Variants in PYGM observed in about 807,000 individuals in gnomAD.
PYGM encodes the protein glycogen phosphorylase, muscle form.
A neutral mutation model predicts 99.3 loss-of-function variants in PYGM; 81 were observed. The observed-to-expected ratio is 0.82, with a 90% CI of 0.68 to 0.98. The LOEUF is 0.98. PYGM is among the 50% of genes least tolerant of loss of function. The pLI is 0.00. For synonymous variants in PYGM, 436 were observed against 451.5 expected (o/e 0.97, Z 0.44); for missense variants, 1,030 against 1,158.1 (o/e 0.89, Z 1.61).
rs200430286 is a variant in PYGM, at chr11:64,758,472, G to A, written c.389C>T (p.Ala130Val). The A allele has an allele frequency of 3.7e-5, 60 of 1,613,888 alleles. No individual in the cohort carries two copies. In the East Asian group the frequency reaches 5.3e-4, roughly 14 times the overall value. ...GCCCAGGCCCCCGTTGCCCAGCCCC[G>A]CATCCTCCTCAATTTCCTCCAGCTC... ...MEELEEIEEDAGLGNGGLGRL... is the reference protein window; with the variant it reads ...MEELEEIEEDVGLGNGGLGRL... Residue 130 changes from alanine to valine, a missense_variant, in exon 3 of 20, where the codon GCG (alanine) becomes GTG (valine). Transcript: ENST00000164139.
chr11:64,756,334 A>T (rs2058394274), intron 5 of PYGM, among the ~76,000 whole-genome samples: 1 of 152,176 alleles, frequency 6.6e-6, no homozygotes, highest in African/African-American at 2.4e-5. Context: ...CTGCATCTTA[A>T]CCTGGAGGAC....
chr11:64,755,310 G>A lies in PYGM; in HGVS notation c.818C>T (p.Ala273Val), dbSNP rs768576604. The change falls in exon 7 of 20, where the codon GCG becomes GTG. Residue 273 changes from alanine (A) to valine (V), a missense_variant. Physicochemically the swap from Ala to Val is moderately conservative, Grantham distance 64. Transcript: ENST00000164139. This position sits in a 1 kb window ranked among gnomAD's most constrained non-coding sequence, Gnocchi z 4.1. ...YIQAVLDRNL[A>V]ENISRVLYPN... ...GTACAGGACACGAGAGATGTTCTCCGCCAGGTTTCGGTCCAACACAGCCTG... is the reference window on the plus strand; with the variant it reads ...GTACAGGACACGAGAGATGTTCTCCACCAGGTTTCGGTCCAACACAGCCTG... 4.5e-5 allele frequency: 73 copies of A among 1,613,992 alleles called. No homozygotes were observed. The highest frequency in any genetic ancestry group is 1.6e-4 in the Middle Eastern group (1 of 6,084).
rs1390895683 is a variant in PYGM, at chr11:64,746,541, G to A, written c.*118C>T. 1 of 1,386,688 alleles carries A rather than the reference G, an allele frequency of 7.2e-7. No individual in the cohort carries two copies. Among genetic ancestry groups the A allele is most frequent in the Admixed American group, 1.7e-5 (1 of 57,976 alleles). 85.9% of individuals were successfully genotyped at this position (1,386,688 alleles called of 1,614,324 possible). A position where few individuals can be genotyped will look rare whatever the true frequency, so the allele number is the denominator to read the frequency against. On this transcript the variant is annotated 3_prime_UTR_variant, in exon 20 of 20. Coordinates refer to ENST00000164139, the MANE Select transcript of PYGM (RefSeq NM_005609.4). Reference sequence around the variant, plus strand: ...GGACATTGAGAGTGGGGAAAATGAGGGTTCCAGGAGGGGCTTAGAGATCTA... The same window carrying A: ...GGACATTGAGAGTGGGGAAAATGAGAGTTCCAGGAGGGGCTTAGAGATCTA...
chr11:64,754,714 G>A lies in PYGM; in HGVS notation c.978C>T (p.Asn326=). The A allele has an allele frequency of 6.2e-7, 1 of 1,613,836 alleles. No individual in the cohort carries two copies. Among genetic ancestry groups the A allele is most frequent in the South Asian group, 1.1e-5 (1 of 91,060 alleles). Residue 326 remains asparagine (N), a synonymous_variant, in exon 8 of 20, where the codon AAC becomes AAT. Transcript: ENST00000164139. This position sits in a 1 kb window ranked among gnomAD's most constrained non-coding sequence, Gnocchi z 5.5. ...KFGCRDPVRT[N]FDAFPDKVAI... ...GTACCTTATCTGGGAAGGCATCGAAGTTCGTGCGCACGGGATCACGGCAGC... is the reference window on the plus strand; with the variant it reads ...GTACCTTATCTGGGAAGGCATCGAAATTCGTGCGCACGGGATCACGGCAGC...
upstream of PYGM, chr11:64,760,019 G>A: frequency 2.1e-6 from 3 of 1,435,224 alleles, no homozygotes; most frequent in East Asian, 2.4e-5. Context: ...GCTCTGGGCA[G>A]CACGCCCCGC....
At chr11:64,759,042 T>G (rs560729572) in intron 1 of PYGM, among the ~76,000 whole-genome samples, 365 of 2,278 alleles carry the variant, frequency 0.16, 2 homozygotes, top group Non-Finnish European at 0.31. Context: ...TTGCTCAAGG[T>G]CACACAGTGG....
rs1051299893 is a variant in PYGM at position 64,754,626 on chromosome 11, C to T, written c.999+67G>A. Reference sequence around the variant, plus strand: ...TATCTATTACATGGGGCAGGCAGGCCGAGGCTGGAGGGAGAGGCCTAGCAC... The same window carrying T: ...TATCTATTACATGGGGCAGGCAGGCTGAGGCTGGAGGGAGAGGCCTAGCAC... On this transcript the variant is annotated intron_variant, in intron 8 of 19. Coordinates refer to ENST00000164139, the MANE Select transcript of PYGM (RefSeq NM_005609.4). The surrounding 1 kb of genome is among the most constrained non-coding windows in gnomAD (Gnocchi z 5.5). 8.8e-6 allele frequency: 14 copies of T among 1,586,832 alleles called. No homozygotes were observed. In the African/African-American group the frequency reaches 1.1e-4, roughly 12 times the overall value.
intron 17 of PYGM, among the ~76,000 whole-genome samples, chr11:64,749,085 C>A (rs1406062407): frequency 1.3e-5 from 2 of 150,656 alleles, no homozygotes; most frequent in Admixed American, 1.3e-4. Flanking sequence ...CAGTGGCTCA[C>A]CCCTGTAAGC....
chr11:64,750,190 T>A (rs2058344424), intron 17 of PYGM, among the ~76,000 whole-genome samples, 186 bp downstream of exon 17: 1 of 152,192 alleles, frequency 6.6e-6, no homozygotes, highest in Admixed American at 6.5e-5. Context: ...TATTACTTCT[T>A]TCTTTTCCAA....
chr11:64,753,392 G>T, intron 11 of PYGM, 127 bp downstream of exon 11: 1 of 1,362,522 alleles, frequency 7.3e-7, no homozygotes, highest in Non-Finnish European at 1.0e-6. Flanking sequence ...TAAGAATGAC[G>T]CCACCTGTGA....
At chr11:64,753,370 C>T in intron 11 of PYGM, 149 bp downstream of exon 11, 1 of 1,263,622 alleles carries the variant, frequency 7.9e-7, no homozygotes, top group Non-Finnish European at 1.1e-6. Context: ...CTGGAAGGGG[C>T]TGCTGTGCTT....
At chr11:64,759,339 A>G (rs1194989475) in intron 1 of PYGM, among the ~76,000 whole-genome samples, 1 of 151,974 alleles carries the variant, frequency 6.6e-6, no homozygotes, top group African/African-American at 2.4e-5. Flanking sequence ...CACCGCGCAT[A>G]CATGCAGCAA....
At chr11:64,756,338 G>T (rs1035557978) in intron 5 of PYGM, among the ~76,000 whole-genome samples, 1 of 152,210 alleles carries the variant, frequency 6.6e-6, no homozygotes, top group African/African-American at 2.4e-5. Context: ...ATCTTAACCT[G>T]GAGGACAACA....
At chr11:64,747,388 C>T in intron 17 of PYGM, 30 bp from the exon 18 acceptor site, 6 of 1,613,862 alleles carry the variant, frequency 3.7e-6, no homozygotes, top group African/African-American at 1.3e-5. Context: ...GTCAGCTCCC[C>T]GGAAAGGGGT....
chr11:64,750,609 G>A lies in PYGM; in HGVS notation c.1970-26C>T, dbSNP rs1195020617. On this transcript the variant is annotated intron_variant, in intron 16 of 19. Coordinates refer to ENST00000164139, the MANE Select transcript of PYGM (RefSeq NM_005609.4). Reference sequence around the variant, plus strand: ...CTGTGGGGTGGCAGCAGGGGGACAAGTCAACTCAGGGAAGACCCTCACACC... The same window carrying A: ...CTGTGGGGTGGCAGCAGGGGGACAAATCAACTCAGGGAAGACCCTCACACC... 3 of 1,610,056 alleles carry A rather than the reference G, an allele frequency of 1.9e-6. No individual in the cohort carries two copies. The South Asian group carries it at 3.3e-5, about 18-fold the overall frequency.
chr11:64,746,796 A>G lies in PYGM; in HGVS notation c.2392T>C (p.Trp798Arg), dbSNP rs119103258. Reference protein sequence around the residue: ...VSALYKNPREWTRMVIRNIAT... With the variant: ...VSALYKNPRERTRMVIRNIAT... ...ATGTTCCGGATCACCATCCGCGTCC[A>G]CTCTCTTGGGTTCTGCAGGTCAAAG... The change falls in exon 20 of 20, where the codon TGG becomes CGG. Residue 798 changes from tryptophan (W) to arginine (R), a missense_variant. Trp to Arg is a moderately radical substitution (Grantham distance 101, BLOSUM62 -3). Coordinates refer to ENST00000164139, the MANE Select transcript of PYGM (RefSeq NM_005609.4). The G allele has an allele frequency of 1.1e-5, 17 of 1,613,512 alleles. No individual in the cohort carries two copies. Among genetic ancestry groups the G allele is most frequent in the Admixed American group, 5.0e-5 (3 of 59,958 alleles).
chr11:64,758,143 A>G, intron 4 of PYGM, 103 bp downstream of exon 4: 1 of 1,442,612 alleles, frequency 6.9e-7, no homozygotes, highest in Non-Finnish European at 9.7e-7. Context: ...GATGCTTTCC[A>G]CAGAGCTTGC....
At chr11:64,757,243 A>C (rs1358284550) in intron 5 of PYGM, among the ~76,000 whole-genome samples, 1 of 151,888 alleles carries the variant, frequency 6.6e-6, no homozygotes, top group Non-Finnish European at 1.5e-5. Context: ...TTTTTTGTAG[A>C]GACAGGGTCT....
intron 14 of PYGM, 52 bp downstream of exon 14, chr11:64,751,872 C>T (rs1031038902): frequency 2.0e-5 from 32 of 1,610,096 alleles, no homozygotes; most frequent in Non-Finnish European, 1.7e-5. Flanking sequence ...TGTACTATGC[C>T]GCAGGAACAC....
Sources: gnomAD v4.1 joint callset for allele counts (sites outside exome capture counted in the v4.1 genomes callset) on GRCh38, gnomAD v4.1.1 for gene constraint, Gnocchi (gnomAD v3.1) non-coding constraint, MANE v1.5 for transcripts, NCBI Gene and HGNC (gene_info 2026-07-23, HGNC 2026-07-21) for gene names.